DNMT1: variants seen among roughly 807,000 people sequenced by gnomAD.
DNMT1 encodes the protein DNA (cytosine-5)-methyltransferase 1.
In DNMT1, 24 loss-of-function variants were observed where a neutral mutation model predicts 205.3. The ratio of observed to expected loss-of-function variants is 0.12; its 90% CI spans 0.08 to 0.16. The LOEUF (loss-of-function observed/expected upper bound fraction) is 0.16. DNMT1 is among the 10% of genes least tolerant of loss of function. DNMT1 has a pLI of 1.00. For synonymous variants in DNMT1, 817 were observed against 839.8 expected (o/e 0.97, Z 0.47); for missense variants, 1,293 against 2,177.7 (o/e 0.59, Z 8.09).
intron 5 of DNMT1, among the ~76,000 whole-genome samples, chr19:10,179,388 A>C (rs1329710023): frequency 6.6e-6 from 1 of 151,344 alleles, no homozygotes; most frequent in Non-Finnish European, 1.5e-5. Flanking sequence ...ACCCGCCACC[A>C]CGTCTGGCAA....
intron 27 of DNMT1, among the ~76,000 whole-genome samples, chr19:10,147,074 C>A (rs539860360): frequency 1.3e-5 from 2 of 152,186 alleles, no homozygotes; most frequent in African/African-American, 4.8e-5. Context: ...GCCTGGCCAA[C>A]ACAGTGAGAC....
Position 10,140,175 on chromosome 19 carries a change from C to T in DNMT1, c.3677G>A (p.Arg1226Gln), listed in dbSNP as rs753205659. 7 of 1,613,918 alleles carry T rather than the reference C, an allele frequency of 4.3e-6. No individual in the cohort carries two copies. Among genetic ancestry groups the T allele is most frequent in the African/African-American group, 1.3e-5 (1 of 75,048 alleles). ...AGETTNSRGQRLPQKGDVEML... is the reference protein window; with the variant it reads ...AGETTNSRGQQLPQKGDVEML... ...CTCCACGTCTCCCTTCTGGGGCAGC[C>T]GCTGGCCGCGGGAGTTGGTGGTCTC... The change falls in exon 33 of 41, where the codon CGG (arginine) becomes CAG (glutamine). Residue 1226 changes from arginine to glutamine, a missense_variant. Transcript: ENST00000359526. This position sits in a 1 kb window ranked among gnomAD's most constrained non-coding sequence, Gnocchi z 8.4.
intron 5 of DNMT1, among the ~76,000 whole-genome samples, chr19:10,179,389 C>T (rs997667561): frequency 2.0e-5 from 3 of 151,764 alleles, no homozygotes; most frequent in African/African-American, 4.8e-5. Context: ...CCCGCCACCA[C>T]GTCTGGCAAA....
intron 26 of DNMT1, 53 bp downstream of exon 26, chr19:10,149,400 G>C: frequency 1.3e-6 from 2 of 1,579,102 alleles, no homozygotes; most frequent in Non-Finnish European, 1.7e-6. Context: ...ACGCACGTCA[G>C]CAGTGACCCT....
intron 19 of DNMT1, 122 bp downstream of exon 19, chr19:10,155,731 C>T: frequency 1.9e-6 from 2 of 1,027,034 alleles, no homozygotes; most frequent in Non-Finnish European, 3.0e-6. Flanking sequence ...CTAAGGTTCC[C>T]AGTCACATGG....
chr19:10,155,517 T>G (rs923536503), intron 19 of DNMT1, among the ~76,000 whole-genome samples: 2 of 152,132 alleles, frequency 1.3e-5, no homozygotes, highest in Non-Finnish European at 2.9e-5. Context: ...TTTGTATTTT[T>G]GGTAGAGAGG....
In DNMT1 at chr19:10,138,052, G is replaced by A; in HGVS notation, c.4116-43C>T. 1 of 1,584,696 alleles carries A rather than the reference G, an allele frequency of 6.3e-7. No individual in the cohort carries two copies. Among genetic ancestry groups the A allele is most frequent in the Non-Finnish European group, 8.6e-7 (1 of 1,165,430 alleles). On this transcript the variant is annotated intron_variant, in intron 35 of 40. Transcript: ENST00000359526. The surrounding 1 kb of genome is among the most constrained non-coding windows in gnomAD (Gnocchi z 4.1). ...GTCAACACCTCTGGAGATGCACGCAGCAGCTGTCCCCTCATCACAGGTGCC... is the reference window on the plus strand; with the variant it reads ...GTCAACACCTCTGGAGATGCACGCAACAGCTGTCCCCTCATCACAGGTGCC...
chr19:10,144,411 G>GAA (rs1046664697), intron 28 of DNMT1: 88 of 176,052 alleles, frequency 5.0e-4, no homozygotes, highest in East Asian at 1.3e-3. Flanking sequence ...CCATCTCACA[G>GAA]AAAAAAAAAA....
In DNMT1 at chr19:10,140,544, A is replaced by C. The variant is rs2145266357; in HGVS notation, c.3524-216T>G. ...ACCACCACGCCCAGCTAATTTTTGT[A>C]TTCTTATTAGAGACGGGGTTTCACC... On this transcript the variant is annotated intron_variant, in intron 32 of 40. Transcript: ENST00000359526. This position sits in a 1 kb window ranked among gnomAD's most constrained non-coding sequence, Gnocchi z 8.4. The C allele has an allele frequency of 1.1e-6, 1 of 903,462 alleles. No individual in the cohort carries two copies. Among genetic ancestry groups the C allele is most frequent in the Non-Finnish European group, 1.7e-6 (1 of 600,226 alleles). The allele number at this position is 903,462 out of a possible 1,614,324, so 56.0% of individuals were successfully genotyped here. A position where few individuals can be genotyped will look rare whatever the true frequency, so the allele number is the denominator to read the frequency against.
chr19:10,178,219 T>C (rs1290566460), intron 5 of DNMT1, among the ~76,000 whole-genome samples: 1 of 151,360 alleles, frequency 6.6e-6, no homozygotes, highest in African/African-American at 2.4e-5. Flanking sequence ...ATTGTGCCAC[T>C]GCACTCCAGC....
In DNMT1 at chr19:10,159,782, G is replaced by A. The variant is rs2038528371; in HGVS notation, c.1171-15C>T. 6.2e-7 allele frequency: 1 copy of A among 1,614,104 alleles called. No individual in the cohort carries two copies. Among genetic ancestry groups the A allele is most frequent in the Non-Finnish European group, 8.5e-7 (1 of 1,180,044 alleles). On this transcript the variant is annotated splice_polypyrimidine_tract_variant and intron_variant, in intron 16 of 40. Coordinates refer to ENST00000359526, the MANE Select transcript of DNMT1 (RefSeq NM_001130823.3). This position sits in a 1 kb window ranked among gnomAD's most constrained non-coding sequence, Gnocchi z 5.0. ...GGCTCATCCACCTGAAGGACACGGG[G>A]CTGGTGAGCAGTGGGACAAGGGACA...
Position 10,159,547 on chromosome 19 carries a change from A to C in DNMT1, c.1280+111T>G. On this transcript the variant is annotated intron_variant, in intron 17 of 40. Coordinates refer to ENST00000359526, the MANE Select transcript of DNMT1 (RefSeq NM_001130823.3). This position sits in a 1 kb window ranked among gnomAD's most constrained non-coding sequence, Gnocchi z 5.0. ...CTTATCCACGAAGTGTTAGCTTAAG[A>C]CATGTTGCAGGTCAGGCACTAAAAA... 1 of 1,101,784 alleles carries C rather than the reference A, an allele frequency of 9.1e-7. No individual in the cohort carries two copies. Among genetic ancestry groups the C allele is most frequent in the Non-Finnish European group, 1.4e-6 (1 of 739,690 alleles). The allele number at this position is 1,101,784 out of a possible 1,614,324, so 68.3% of individuals were successfully genotyped here. A position where few individuals can be genotyped will look rare whatever the true frequency, so the allele number is the denominator to read the frequency against.
At chr19:10,152,925 C>T (rs1167719044) in intron 22 of DNMT1, among the ~76,000 whole-genome samples, 6 of 147,250 alleles carry the variant, frequency 4.1e-5, no homozygotes, top group African/African-American at 1.5e-4. Context: ...CACAGCAGGA[C>T]CCTGTCTCTA....
intron 9 of DNMT1, among the ~76,000 whole-genome samples, chr19:10,169,627 G>A (rs1322398508): frequency 3.3e-5 from 5 of 151,870 alleles, no homozygotes; most frequent in African/African-American, 1.2e-4. Context: ...TTAGCCTGGC[G>A]TGGTAGCAGG....
intron 11 of DNMT1, among the ~76,000 whole-genome samples, chr19:10,163,893 T>C (rs1446304397): frequency 1.3e-5 from 2 of 151,968 alleles, no homozygotes; most frequent in Admixed American, 6.6e-5. Context: ...ATATACTATA[T>C]ATATATATGA....
chr19:10,154,722 G>A lies in DNMT1; in HGVS notation c.1696C>T (p.Leu566Phe). 1.2e-6 allele frequency: 2 copies of A among 1,614,230 alleles called. No individual in the cohort carries two copies. The highest frequency in any genetic ancestry group is 1.1e-5 in the South Asian group (1 of 91,088). Residue 566 changes from leucine (L) to phenylalanine (F), a missense_variant, in exon 21 of 41, where the codon CTC (leucine) becomes TTC (phenylalanine). Physicochemically the swap from Leu to Phe is conservative, Grantham distance 22. Coordinates refer to ENST00000359526, the MANE Select transcript of DNMT1 (RefSeq NM_001130823.3). The surrounding 1 kb of genome is among the most constrained non-coding windows in gnomAD (Gnocchi z 6.3). ...ACCACAAACTGCGCGTGTCGCAGGA[G>A]GGAGTCCTCTGTGAAGCGGTTCAAG... The part of the protein sequence containing the change: ...LNLNRFTEDS[L>F]LRHAQFVVEQ...
chr19:10,143,000 G>A (rs1239056930), intron 29 of DNMT1: 3 of 153,544 alleles, frequency 2.0e-5, no homozygotes, highest in Non-Finnish European at 4.3e-5. Context: ...GGTGAGGCAA[G>A]TGTATAGCTT....
intron 1 of DNMT1, among the ~76,000 whole-genome samples, chr19:10,189,718 C>A (rs540919007): frequency 3.3e-5 from 5 of 152,228 alleles, no homozygotes; most frequent in Admixed American, 3.3e-4. Flanking sequence ...TGCACACGGC[C>A]TAGTCTAATA....
rs1054795751 is a variant in DNMT1, at chr19:10,151,620, G to A, written c.2118-75C>T. The A allele has an allele frequency of 6.2e-7, 1 of 1,610,186 alleles. No homozygotes were observed. The highest frequency in any genetic ancestry group is 8.5e-7 in the Non-Finnish European group (1 of 1,178,788). On this transcript the variant is annotated intron_variant, in intron 23 of 40. Coordinates refer to ENST00000359526, the MANE Select transcript of DNMT1 (RefSeq NM_001130823.3). This position sits in a 1 kb window ranked among gnomAD's most constrained non-coding sequence, Gnocchi z 5.0. ...CCGGGGCTGTTTTCTTCATAACAGG[G>A]ACAGGTCCTGAGACAATGCCTAACG...
Sources: gnomAD v4.1 joint callset for allele counts (sites outside exome capture counted in the v4.1 genomes callset) on GRCh38, gnomAD v4.1.1 for gene constraint, Gnocchi (gnomAD v3.1) non-coding constraint, MANE v1.5 for transcripts, NCBI Gene and HGNC (gene_info 2026-07-23, HGNC 2026-07-21) for gene names.